The following ANKRD30B variants were observed in gnomAD, a reference collection of about 807,000 sequenced individuals.
ANKRD30B encodes ankyrin repeat domain 30B, also known as ankyrin repeat domain-containing protein 30B.
Under a neutral mutation model 202.2 loss-of-function variants are expected in ANKRD30B, and 144 were observed. That is an observed-to-expected ratio of 0.71 (90% CI 0.62 to 0.82). The LOEUF is 0.82. ANKRD30B is among the 40% of genes least tolerant of loss of function. The pLI is 0.00. For missense variants in ANKRD30B, 1,487 were observed against 1,669.1 expected (o/e 0.89, Z 1.90); for synonymous variants, 508 against 561.3 (o/e 0.91, Z 1.34).
the ANKRD30B span, among the ~76,000 whole-genome samples, chr18:14,912,756 T>C: frequency 6.6e-6 from 1 of 152,250 alleles, no homozygotes; most frequent in Non-Finnish European, 1.5e-5. Flanking sequence ...GGTTTCTACT[T>C]CTTGGGAGAT....
chr18:14,808,400 C>G (rs762280076), intron 24 of ANKRD30B, 151 bp from the exon 25 acceptor site: 3 of 819,792 alleles, frequency 3.7e-6, no homozygotes, highest in South Asian at 1.4e-5. Flanking sequence ...GGCATGTTAA[C>G]AAATACAAAA....
chr18:14,884,850 G>T, the ANKRD30B span, among the ~76,000 whole-genome samples: 1 of 152,072 alleles, frequency 6.6e-6, no homozygotes, highest in East Asian at 1.9e-4. Flanking sequence ...AAAATTAAAG[G>T]ATAGGTGGGA....
chr18:14,852,740 A>G (rs1971943832), intron 42 of ANKRD30B: 1 of 180,256 alleles, frequency 5.5e-6, no homozygotes, highest in East Asian at 1.2e-4. Context: ...TTTGACTACA[A>G]TGAAGCAGAA....
intron 4 of ANKRD30B, among the ~76,000 whole-genome samples, chr18:14,757,290 T>C (rs1450664903): frequency 6.6e-6 from 1 of 152,184 alleles, no homozygotes; most frequent in Non-Finnish European, 1.5e-5. Flanking sequence ...TGACTTTCTA[T>C]GTGAAAAGGA....
chr18:14,882,858 G>T, the ANKRD30B span, among the ~76,000 whole-genome samples: 12 of 152,080 alleles, frequency 7.9e-5, no homozygotes, highest in African/African-American at 2.7e-4. Context: ...ATTATATACT[G>T]CCTGTCTTTG....
downstream of ANKRD30B, among the ~76,000 whole-genome samples, chr18:14,855,593 G>A (rs1434271746): frequency 4.0e-5 from 6 of 150,906 alleles, no homozygotes; most frequent in Non-Finnish European, 5.9e-5. Context: ...CCCAGATGGG[G>A]CGGCTGGGAA....
At chr18:14,891,937 C>A in the ANKRD30B span, among the ~76,000 whole-genome samples, 28 of 152,258 alleles carry the variant, frequency 1.8e-4, no homozygotes, top group African/African-American at 6.5e-4. Flanking sequence ...ATTTGCAATA[C>A]CTCCAAAATG....
the ANKRD30B span, among the ~76,000 whole-genome samples, chr18:14,893,923 A>G: frequency 6.6e-6 from 1 of 150,680 alleles, no homozygotes; most frequent in South Asian, 2.1e-4. Flanking sequence ...TGTTAACATA[A>G]TGTCCATGAT....
At chr18:14,866,770 C>T in the ANKRD30B span, among the ~76,000 whole-genome samples, 4 of 151,878 alleles carry the variant, frequency 2.6e-5, no homozygotes, top group Non-Finnish European at 4.4e-5. Context: ...GAATTGCTGG[C>T]AGTGGGGCAG....
chr18:14,847,060 A>G (rs1372275642), intron 39 of ANKRD30B, among the ~76,000 whole-genome samples: 2 of 26,528 alleles, frequency 7.5e-5, no homozygotes, highest in African/African-American at 4.2e-4. Flanking sequence ...TTATATATAT[A>G]TATATATATA....
At chr18:14,937,920 C>T in the ANKRD30B span, among the ~76,000 whole-genome samples, 1 of 152,190 alleles carries the variant, frequency 6.6e-6, no homozygotes, top group Admixed American at 6.5e-5. Flanking sequence ...TCCTTGCTGG[C>T]CTGGAACCGT....
chr18:14,858,596 T>C (rs2041854877), downstream of ANKRD30B, among the ~76,000 whole-genome samples: 1 of 103,806 alleles, frequency 9.6e-6, no homozygotes, highest in Admixed American at 9.3e-5. Context: ...GAGGTGCTCC[T>C]CATTTCCCAG....
At chr18:14,831,262 A>G in intron 33 of ANKRD30B, 121 bp from the exon 34 acceptor site, 1 of 566,856 alleles carries the variant, frequency 1.8e-6, no homozygotes, top group Non-Finnish European at 3.2e-6. Context: ...TTGAGGACTG[A>G]TCTTTCCCCA....
chr18:14,879,561 AG>A, the ANKRD30B span, among the ~76,000 whole-genome samples: 4 of 152,120 alleles, frequency 2.6e-5, no homozygotes, highest in Non-Finnish European at 5.9e-5. Context: ...GGTTGGTGTT[AG>A]GGTTAGGGGT....
intron 15 of ANKRD30B, 108 bp from the exon 16 acceptor site, chr18:14,791,293 C>A: frequency 2.2e-6 from 2 of 904,896 alleles, no homozygotes; most frequent in Non-Finnish European, 3.4e-6. Context: ...GAATTGTTTG[C>A]AAACTAGGAA....
intron 8 of ANKRD30B, among the ~76,000 whole-genome samples, chr18:14,771,236 T>G (rs901172508): frequency 1.3e-5 from 2 of 152,190 alleles, no homozygotes; most frequent in Non-Finnish European, 2.9e-5. Context: ...GGTTGGAGAC[T>G]GCCATGAAGC....
chr18:14,769,436 A>G (rs1916754654), intron 8 of ANKRD30B, 63 bp downstream of exon 8: 4 of 1,302,036 alleles, frequency 3.1e-6, no homozygotes, highest in South Asian at 1.3e-5. Flanking sequence ...AAAAGAAATC[A>G]CTATCTGCTG....
the ANKRD30B span, among the ~76,000 whole-genome samples, chr18:14,864,789 TATC>T: frequency 1.3e-5 from 2 of 150,538 alleles, no homozygotes; most frequent in Non-Finnish European, 3.0e-5. Context: ...ACTGTTTCCC[TATC>T]ATCTTTTTCT....
intron 5 of ANKRD30B, among the ~76,000 whole-genome samples, chr18:14,758,426 C>T (rs775605185): frequency 1.4e-4 from 22 of 152,152 alleles, no homozygotes; most frequent in Non-Finnish European, 2.2e-4. Flanking sequence ...GTTGCTGCGC[C>T]GTTGCCATTG....
Sources: gnomAD v4.1 joint callset for allele counts (sites outside exome capture counted in the v4.1 genomes callset) on GRCh38, gnomAD v4.1.1 for gene constraint, MANE v1.5 for transcripts, NCBI Gene and HGNC (gene_info 2026-07-23, HGNC 2026-07-21) for gene names.